The following TTC28 variants were observed in gnomAD, a reference collection of about 807,000 sequenced individuals.
The protein encoded by TTC28 is tetratricopeptide repeat domain 28, also known as tetratricopeptide repeat protein 28.
A neutral mutation model predicts 198.0 loss-of-function variants in TTC28; 61 were observed. The ratio of observed to expected loss-of-function variants is 0.31; its 90% CI spans 0.25 to 0.38. The LOEUF (loss-of-function observed/expected upper bound fraction) is 0.38, where lower values mean the gene tolerates loss of function less well. Among genes scored for constraint, TTC28 ranks in the 10% least tolerant of loss-of-function variants. The pLI, the probability that TTC28 is intolerant of heterozygous loss-of-function variation, is 1.00. For synonymous variants in TTC28, 1,171 were observed against 1,297.8 expected, an observed-to-expected ratio of 0.90 and a Z score of 2.10; for missense variants, 2,678 against 3,164.0, an observed-to-expected ratio of 0.85 and a Z score of 3.69.
At chr22:28,391,432 A>G (rs973155193) in intron 2 of TTC28, among the ~76,000 whole-genome samples, 1 of 152,146 alleles carries the variant, frequency 6.6e-6, no homozygotes, top group Admixed American at 6.6e-5. Flanking sequence ...TATCCTGCAG[A>G]GTGTTTTCCA....
At chr22:28,411,653 T>C (rs999426282) in intron 2 of TTC28, among the ~76,000 whole-genome samples, 1 of 152,218 alleles carries the variant, frequency 6.6e-6, no homozygotes, top group African/African-American at 2.4e-5. Context: ...CAATGTCAGT[T>C]TAATAGCTTT....
intron 16 of TTC28, chr22:27,997,832 G>A (rs1336567112): frequency 1.3e-5 from 2 of 152,506 alleles, no homozygotes; most frequent in African/African-American, 4.8e-5. Flanking sequence ...GGCCTGGCAG[G>A]GTTTCCTGCA....
At chr22:28,626,777 A>C (rs2051082928) in intron 2 of TTC28, among the ~76,000 whole-genome samples, 1 of 152,086 alleles carries the variant, frequency 6.6e-6, no homozygotes, top group Admixed American at 6.6e-5. Context: ...TATAGAACTA[A>C]AATATTAATG....
chr22:28,322,356 A>AT (rs994279743), intron 2 of TTC28, among the ~76,000 whole-genome samples: 17 of 152,106 alleles, frequency 1.1e-4, no homozygotes, highest in Admixed American at 3.9e-4. Context: ...ATAAAAAAAA[A>AT]TTTTTTGACT....
At chr22:28,576,783 T>C (rs1480051202) in intron 2 of TTC28, among the ~76,000 whole-genome samples, 2 of 152,132 alleles carry the variant, frequency 1.3e-5, no homozygotes, top group African/African-American at 4.8e-5. Flanking sequence ...CTGTTGCTCA[T>C]AGTAGCCTCT....
At chr22:28,188,599 T>C (rs1048849779) in intron 5 of TTC28, among the ~76,000 whole-genome samples, 4 of 152,154 alleles carry the variant, frequency 2.6e-5, no homozygotes, top group African/African-American at 9.7e-5. Context: ...TGTTTAGAGA[T>C]GAAGACGGAA....
intron 2 of TTC28, among the ~76,000 whole-genome samples, chr22:28,375,330 A>C (rs1199127023): frequency 1.3e-5 from 2 of 152,154 alleles, no homozygotes; most frequent in Non-Finnish European, 2.9e-5. Flanking sequence ...CAACCTTATA[A>C]AGTATGTGGT....
At chr22:28,328,019 C>T (rs945852820) in intron 2 of TTC28, among the ~76,000 whole-genome samples, 1 of 151,966 alleles carries the variant, frequency 6.6e-6, no homozygotes, top group African/African-American at 2.4e-5. Flanking sequence ...AGCTCAATAT[C>T]TAGTGCAAGA....
rs759889978 is a variant in TTC28 at position 28,105,700 on chromosome 22, C to T, written c.2886G>A (p.Glu962=). The T allele has an allele frequency of 7.0e-5, 109 of 1,551,860 alleles. No homozygotes were observed. The South Asian group carries it at 1.1e-3, about 16-fold the overall frequency. The change falls in exon 8 of 23, where the codon GAG becomes GAA. Residue 962 remains glutamate (E), a synonymous_variant. Coordinates refer to ENST00000397906, the MANE Select transcript of TTC28 (RefSeq NM_001145418.2). ...CTAATTGGCTGTGCAGACTTCCCAGCTCTCCATAGGCCTGGGCTTTATTGA... is the reference window on the plus strand; with the variant it reads ...CTAATTGGCTGTGCAGACTTCCCAGTTCTCCATAGGCCTGGGCTTTATTGA... The part of the protein sequence containing the change: ...EAFNKAQAYG[E]LGSLHSQLGN...
intron 1 of TTC28, among the ~76,000 whole-genome samples, chr22:28,630,807 T>G (rs1216033372): frequency 6.6e-6 from 1 of 152,236 alleles, no homozygotes; most frequent in Admixed American, 6.5e-5. Flanking sequence ...GTTACATACA[T>G]GTATATTTGT....
intron 2 of TTC28, among the ~76,000 whole-genome samples, chr22:28,551,939 T>C (rs2049680392): frequency 6.6e-6 from 1 of 152,174 alleles, no homozygotes. Flanking sequence ...AGTCAAACTG[T>C]CACTGTTTGC....
chr22:28,143,545 A>C lies in TTC28; in HGVS notation c.1441+19547T>G, dbSNP rs142792222. Among the ~76,000 whole-genome samples, 377 of 152,312 alleles carry C rather than the reference A, an allele frequency of 2.5e-3. 2 individuals carry two copies. Among genetic ancestry groups the C allele is most frequent in the African/African-American group, 7.6e-3 (316 of 41,580 alleles). Reference sequence around the variant, plus strand: ...TAAAAATGGGTGAACATGTTTCTTAAATAAGACTGCTATAATTTAACACCC... The same window carrying C: ...TAAAAATGGGTGAACATGTTTCTTACATAAGACTGCTATAATTTAACACCC... On this transcript the variant is annotated intron_variant, in intron 6 of 22. Transcript: ENST00000397906.
intron 5 of TTC28, among the ~76,000 whole-genome samples, chr22:28,191,008 C>T (rs1924686994): frequency 6.6e-6 from 1 of 152,160 alleles, no homozygotes; most frequent in African/African-American, 2.4e-5. Flanking sequence ...ATGAATCTAA[C>T]CCCTAGGCCT....
chr22:28,085,119 T>C (rs1941528314), intron 12 of TTC28, among the ~76,000 whole-genome samples: 2 of 152,140 alleles, frequency 1.3e-5, no homozygotes, highest in South Asian at 4.2e-4. Context: ...TTCCCCAATC[T>C]AGCAAGGCAG....
At chr22:28,357,039 A>G (rs1001853932) in intron 2 of TTC28, among the ~76,000 whole-genome samples, 1 of 152,152 alleles carries the variant, frequency 6.6e-6, no homozygotes, top group Non-Finnish European at 1.5e-5. Flanking sequence ...AATAACTCCA[A>G]TTTCATTTTA....
intron 12 of TTC28, among the ~76,000 whole-genome samples, chr22:28,032,274 G>T (rs1246578699): frequency 9.9e-6 from 1 of 100,626 alleles, no homozygotes; most frequent in Non-Finnish European, 2.1e-5. Context: ...TATAGTGTGT[G>T]TGTGTGTGTG....
chr22:28,181,900 C>T (rs1923735767), intron 5 of TTC28, among the ~76,000 whole-genome samples: 1 of 152,074 alleles, frequency 6.6e-6, no homozygotes, highest in Non-Finnish European at 1.5e-5. Context: ...ACAAAAAAAA[C>T]TAGAAAACAA....
At chr22:28,567,500 A>ATAT in intron 2 of TTC28, among the ~76,000 whole-genome samples, 1 of 130,670 alleles carries the variant, frequency 7.7e-6, no homozygotes, top group South Asian at 2.5e-4. Flanking sequence ...ATATATATAT[A>ATAT]TATATATATG....
intron 6 of TTC28, among the ~76,000 whole-genome samples, chr22:28,126,404 TC>T (rs1942914534): frequency 6.6e-6 from 1 of 152,166 alleles, no homozygotes; most frequent in Non-Finnish European, 1.5e-5. Context: ...TCCACACTCT[TC>T]ATTCTTCCAA....
Sources: gnomAD v4.1 joint callset for allele counts (sites outside exome capture counted in the v4.1 genomes callset) on GRCh38, gnomAD v4.1.1 for gene constraint, MANE v1.5 for transcripts, NCBI Gene and HGNC (gene_info 2026-07-23, HGNC 2026-07-21) for gene names.